The following SLIT3 variants were observed in gnomAD, a reference collection of about 807,000 sequenced individuals.
The protein encoded by SLIT3 is slit guidance ligand 3.
A neutral mutation model predicts 184.0 loss-of-function variants in SLIT3; 68 were observed. The observed-to-expected ratio is 0.37, with a 90% CI of 0.30 to 0.45. The LOEUF (loss-of-function observed/expected upper bound fraction) is 0.45, where lower values mean the gene tolerates loss of function less well. Among genes scored for constraint, SLIT3 ranks in the 20% least tolerant of loss-of-function variants. The pLI is 1.00. For missense variants in SLIT3, 1,707 were observed against 2,026.0 expected (o/e 0.84, Z 3.02); for synonymous variants, 831 against 828.6 (o/e 1.00, Z -0.05).
chr5:169,033,060 C>T (rs1757096976), intron 4 of SLIT3, among the ~76,000 whole-genome samples: 1 of 151,652 alleles, frequency 6.6e-6, no homozygotes, highest in African/African-American at 2.4e-5. Flanking sequence ...CCTGGCCACC[C>T]TCCCTACTTA....
intron 1 of SLIT3, among the ~76,000 whole-genome samples, chr5:169,271,532 G>C (rs544122525): frequency 6.6e-6 from 1 of 152,300 alleles, no homozygotes; most frequent in African/African-American, 2.4e-5. Context: ...GCATTGCGAG[G>C]GGGTAGAGGG....
chr5:168,941,915 TCTC>T (rs1280953441), intron 4 of SLIT3, among the ~76,000 whole-genome samples: 5 of 152,164 alleles, frequency 3.3e-5, no homozygotes, highest in Admixed American at 3.3e-4. Context: ...GTCTGTAACA[TCTC>T]CTTTTAGCAC....
chr5:168,809,975 T>C (rs1757110670), intron 8 of SLIT3, among the ~76,000 whole-genome samples: 1 of 152,170 alleles, frequency 6.6e-6, no homozygotes, highest in Admixed American at 6.5e-5. Flanking sequence ...CAGCTTTCCA[T>C]GCTGGCAAAA....
chr5:169,184,787 T>C (rs1260982988), intron 4 of SLIT3, among the ~76,000 whole-genome samples: 5 of 152,348 alleles, frequency 3.3e-5, no homozygotes, highest in African/African-American at 1.2e-4. Context: ...CACAATCACT[T>C]CGGAATATGT....
intron 4 of SLIT3, among the ~76,000 whole-genome samples, chr5:169,132,367 T>C (rs1490098169): frequency 6.6e-6 from 1 of 152,140 alleles, no homozygotes; most frequent in East Asian, 1.9e-4. Flanking sequence ...AGAAACTGTG[T>C]TATATCCATT....
At chr5:168,757,585 C>T (rs975695793) in intron 16 of SLIT3, among the ~76,000 whole-genome samples, 10 of 152,168 alleles carry the variant, frequency 6.6e-5, no homozygotes, top group African/African-American at 2.4e-4. Flanking sequence ...AGGCGCCTGC[C>T]ATTGCGCCCG....
intron 4 of SLIT3, among the ~76,000 whole-genome samples, chr5:169,189,119 T>C (rs966249031): frequency 2.0e-5 from 3 of 152,140 alleles, no homozygotes; most frequent in African/African-American, 7.2e-5. Flanking sequence ...ATAGCTCATG[T>C]TCTGTGTGTT....
chr5:168,735,480 G>A (rs992665556), intron 20 of SLIT3, among the ~76,000 whole-genome samples: 1 of 152,108 alleles, frequency 6.6e-6, no homozygotes, highest in Admixed American at 6.6e-5. Flanking sequence ...CCTGGGTGAA[G>A]TACTTAACCT....
At chr5:169,214,155 A>C (rs1384486092) in intron 3 of SLIT3, among the ~76,000 whole-genome samples, 1 of 152,248 alleles carries the variant, frequency 6.6e-6, no homozygotes, top group Non-Finnish European at 1.5e-5. Flanking sequence ...GTAAGAATTA[A>C]TTGAAATCAT....
chr5:168,895,288 C>T (rs538607224), intron 4 of SLIT3, among the ~76,000 whole-genome samples: 5 of 152,250 alleles, frequency 3.3e-5, no homozygotes, highest in African/African-American at 9.6e-5. Flanking sequence ...ACTGAGGAAA[C>T]ATGAACATGC....
At chr5:168,677,242 A>G (rs1374149020) in intron 32 of SLIT3, among the ~76,000 whole-genome samples, 1 of 152,100 alleles carries the variant, frequency 6.6e-6, no homozygotes, top group African/African-American at 2.4e-5. Context: ...GCTTCTATTC[A>G]ATGAGTTTTA....
At chr5:169,182,674 T>C (rs1248629192) in intron 4 of SLIT3, among the ~76,000 whole-genome samples, 1 of 152,256 alleles carries the variant, frequency 6.6e-6, no homozygotes, top group Non-Finnish European at 1.5e-5. Flanking sequence ...ATTATTGATG[T>C]GGGTACATTT....
chr5:169,040,425 G>A (rs1464837674), intron 4 of SLIT3, among the ~76,000 whole-genome samples: 1 of 152,208 alleles, frequency 6.6e-6, no homozygotes, highest in Non-Finnish European at 1.5e-5. Flanking sequence ...AAACTGGAAA[G>A]AAGAGCCCTT....
intron 26 of SLIT3, among the ~76,000 whole-genome samples, chr5:168,703,703 C>T (rs1223229531): frequency 1.3e-5 from 2 of 151,994 alleles, no homozygotes; most frequent in South Asian, 4.2e-4. Context: ...CCTATAATCC[C>T]AGCACTTTGG....
chr5:168,878,839 C>T (rs973020911), intron 5 of SLIT3, among the ~76,000 whole-genome samples: 14 of 151,894 alleles, frequency 9.2e-5, no homozygotes, highest in African/African-American at 2.9e-4. Context: ...CTCAGTCTCC[C>T]GAGTAGCTGG....
intron 4 of SLIT3, among the ~76,000 whole-genome samples, chr5:168,974,243 T>C (rs1284576411): frequency 6.6e-6 from 1 of 152,216 alleles, no homozygotes; most frequent in African/African-American, 2.4e-5. Flanking sequence ...TGCCTTCTCC[T>C]GCTTCACACT....
At chr5:168,833,795 G>A (rs1757955605) in intron 6 of SLIT3, among the ~76,000 whole-genome samples, 1 of 152,160 alleles carries the variant, frequency 6.6e-6, no homozygotes, top group African/African-American at 2.4e-5. Flanking sequence ...TATGGCTGTG[G>A]GCAAGTCATT....
chr5:169,183,513 C>A (rs1763237790), intron 4 of SLIT3, among the ~76,000 whole-genome samples: 1 of 152,122 alleles, frequency 6.6e-6, no homozygotes, highest in South Asian at 2.1e-4. Flanking sequence ...TCTAATGGTC[C>A]AGTGCTGTTC....
At chr5:169,129,029 T>C (rs1266295220) in intron 4 of SLIT3, among the ~76,000 whole-genome samples, 3 of 152,100 alleles carry the variant, frequency 2.0e-5, no homozygotes, top group East Asian at 1.9e-4. Flanking sequence ...ACACTTGGAA[T>C]TGGACTTGGA....
Sources: gnomAD v4.1 joint callset for allele counts (sites outside exome capture counted in the v4.1 genomes callset) on GRCh38, gnomAD v4.1.1 for gene constraint, MANE v1.5 for transcripts, NCBI Gene and HGNC (gene_info 2026-07-23, HGNC 2026-07-21) for gene names.